KLF12: variants seen among roughly 807,000 people sequenced by gnomAD.
The protein encoded by KLF12 is Krueppel-like factor 12.
KLF12 carries 9 observed loss-of-function variants against 37.8 expected under a neutral mutation model. The ratio of observed to expected loss-of-function variants is 0.24; its 90% CI spans 0.14 to 0.42. KLF12 has a LOEUF of 0.42. KLF12 is among the 10% of genes least tolerant of loss of function. The pLI is 1.00. For synonymous variants in KLF12, 208 were observed against 202.1 expected (o/e 1.03, Z -0.25); for missense variants, 411 against 516.0 (o/e 0.80, Z 1.97).
chr13:74,242,853 C>T, the KLF12 span, among the ~76,000 whole-genome samples: 1 of 152,208 alleles, frequency 6.6e-6, no homozygotes, highest in Non-Finnish European at 1.5e-5. Context: ...GCCACGTGTA[C>T]ATAGAATTTC....
intron 3 of KLF12, among the ~76,000 whole-genome samples, chr13:73,933,382 T>C (rs772361369): frequency 6.6e-6 from 1 of 152,202 alleles, no homozygotes; most frequent in Non-Finnish European, 1.5e-5. Context: ...AAACTATTAA[T>C]AGCTTTTATT....
chr13:73,948,219 T>C (rs546192321), intron 2 of KLF12, among the ~76,000 whole-genome samples: 20 of 151,340 alleles, frequency 1.3e-4, no homozygotes, highest in African/African-American at 4.9e-4. Flanking sequence ...GACACTTTCA[T>C]AGCAGATTCT....
In KLF12 at chr13:74,032,100, T is replaced by C. The variant is rs573401535; in HGVS notation, c.-31-37047A>G. Among the ~76,000 whole-genome samples the C allele has an allele frequency of 3.3e-5, 5 of 152,270 alleles. No homozygotes were observed. The South Asian group carries it at 1.0e-3, about 32-fold the overall frequency. ...TCACACTAATCAAGTTCATCATTTT[T>C]CACGTAAAAATCCATGGAATGTTGT... On this transcript the variant is annotated intron_variant, in intron 1 of 7. Coordinates refer to ENST00000377669, the MANE Select transcript of KLF12 (RefSeq NM_007249.5).
At chr13:73,992,943 G>A (rs879451715) in intron 2 of KLF12, among the ~76,000 whole-genome samples, 2 of 152,116 alleles carry the variant, frequency 1.3e-5, no homozygotes, top group East Asian at 1.9e-4. Flanking sequence ...TAAACACACA[G>A]CAGTGAGGCT....
chr13:74,033,896 G>T (rs1893177096), intron 1 of KLF12, among the ~76,000 whole-genome samples: 1 of 151,062 alleles, frequency 6.6e-6, no homozygotes, highest in Non-Finnish European at 1.5e-5. Context: ...ATATATATGT[G>T]TAGTTATTAC....
At chr13:73,857,281 G>C (rs528135398) in intron 3 of KLF12, among the ~76,000 whole-genome samples, 1 of 152,240 alleles carries the variant, frequency 6.6e-6, no homozygotes, top group East Asian at 1.9e-4. Flanking sequence ...TGTATCTACA[G>C]CAAACTGGAC....
At chr13:73,806,864 T>C (rs543530061) in intron 5 of KLF12, among the ~76,000 whole-genome samples, 2 of 152,156 alleles carry the variant, frequency 1.3e-5, no homozygotes, top group Admixed American at 1.3e-4. Flanking sequence ...TACTATTCTC[T>C]AGTGTGATTT....
At chr13:74,283,048 C>T in the KLF12 span, among the ~76,000 whole-genome samples, 1 of 151,856 alleles carries the variant, frequency 6.6e-6, no homozygotes, top group Non-Finnish European at 1.5e-5. Flanking sequence ...AAAAAGTGTC[C>T]AAAAAAGACA....
chr13:73,735,182 A>G (rs943475116), intron 6 of KLF12, among the ~76,000 whole-genome samples: 2 of 149,848 alleles, frequency 1.3e-5, no homozygotes, highest in African/African-American at 4.9e-5. Context: ...CTGTGGTCCC[A>G]GTAACTTGGG....
chr13:74,158,242 A>G, the KLF12 span, among the ~76,000 whole-genome samples: 3 of 152,136 alleles, frequency 2.0e-5, no homozygotes, highest in African/African-American at 7.2e-5. Flanking sequence ...GAGTGAAGAC[A>G]CATGTGCGGC....
chr13:73,820,155 T>C (rs1000755376), intron 4 of KLF12, among the ~76,000 whole-genome samples: 5 of 152,176 alleles, frequency 3.3e-5, no homozygotes, highest in African/African-American at 4.8e-5. Flanking sequence ...TATCTCTGCC[T>C]GGAGCATAGT....
At chr13:74,145,596 C>A in the KLF12 span, among the ~76,000 whole-genome samples, 1 of 152,236 alleles carries the variant, frequency 6.6e-6, no homozygotes, top group Non-Finnish European at 1.5e-5. Context: ...CTTTTGGGAT[C>A]CCTATCTCTT....
At chr13:73,809,453 A>G (rs1036512101) in intron 5 of KLF12, among the ~76,000 whole-genome samples, 2 of 115,516 alleles carry the variant, frequency 1.7e-5, no homozygotes, top group East Asian at 7.0e-4. Flanking sequence ...AAAAGCAGAA[A>G]GAGAAGTTCG....
At chr13:73,813,629 G>C (rs1018557441) in intron 4 of KLF12, among the ~76,000 whole-genome samples, 1 of 152,126 alleles carries the variant, frequency 6.6e-6, no homozygotes, top group Non-Finnish European at 1.5e-5. Flanking sequence ...CCTCCTCCTT[G>C]CTTCTGCTGC....
At chr13:74,171,895 C>T in the KLF12 span, among the ~76,000 whole-genome samples, 26 of 152,264 alleles carry the variant, frequency 1.7e-4, no homozygotes, top group Middle Eastern at 3.4e-3. Flanking sequence ...AGGGAGAATT[C>T]TCAATTCCCT....
At chr13:74,006,986 C>T (rs747104442) in intron 1 of KLF12, among the ~76,000 whole-genome samples, 3 of 152,170 alleles carry the variant, frequency 2.0e-5, no homozygotes, top group Admixed American at 2.0e-4. Context: ...CAGTACGTCT[C>T]AATTTACATT....
At chr13:74,018,931 C>T (rs1003327086) in intron 1 of KLF12, among the ~76,000 whole-genome samples, 1 of 152,122 alleles carries the variant, frequency 6.6e-6, no homozygotes, top group African/African-American at 2.4e-5. Flanking sequence ...CTGAAAAGAA[C>T]CCATGTTTTA....
chr13:73,845,955 C>T lies in KLF12; in HGVS notation c.542G>A (p.Ser181Asn). 6.2e-7 allele frequency: 1 copy of T among 1,614,130 alleles called. No homozygotes were observed. The change falls in exon 4 of 8, where the codon AGT becomes AAT. Residue 181 changes from serine (S) to asparagine (N), a missense_variant. By Grantham distance (46) the Ser-to-Asn change is conservative. This residue lies in a region of KLF12 where 351 missense variants were observed against 397.8 expected (regional missense o/e 0.88). Transcript: ENST00000377669. The stretch of plus-strand genomic sequence containing the variant: ...CACCACGGGGATGCGGTGAACATGA[C>T]TCAGTTTGTTAGACTGTAAATTCAT...
chr13:74,032,903 A>G (rs1159635443), intron 1 of KLF12, among the ~76,000 whole-genome samples: 1 of 152,230 alleles, frequency 6.6e-6, no homozygotes, highest in East Asian at 1.9e-4. Context: ...TTAAACAGAA[A>G]TATGTGTTTA....
Sources: gnomAD v4.1 joint callset for allele counts (sites outside exome capture counted in the v4.1 genomes callset) on GRCh38, gnomAD v4.1.1 for gene constraint, gnomAD v4.1.1 regional missense constraint, MANE v1.5 for transcripts, NCBI Gene and HGNC (gene_info 2026-07-23, HGNC 2026-07-21) for gene names.